Variants in LRP1B observed in about 807,000 individuals in gnomAD.
LRP1B encodes LDL receptor related protein 1B.
In LRP1B, 217 loss-of-function variants were observed where a neutral mutation model predicts 556.6. That is an observed-to-expected ratio of 0.39 (90% CI 0.35 to 0.44). The LOEUF (loss-of-function observed/expected upper bound fraction) is 0.44, where lower values mean the gene tolerates loss of function less well. LRP1B is among the 20% of genes least tolerant of loss of function. LRP1B has a pLI of 1.00. For synonymous variants in LRP1B, 2,047 were observed against 1,865.8 expected, an observed-to-expected ratio of 1.10 and a Z score of -2.50; for missense variants, 5,053 against 5,620.8, an observed-to-expected ratio of 0.90 and a Z score of 3.23.
At chr2:140,641,766 A>C (rs1275229613) in intron 41 of LRP1B, among the ~76,000 whole-genome samples, 2 of 152,236 alleles carry the variant, frequency 1.3e-5, no homozygotes, top group East Asian at 3.8e-4. Context: ...GCATATGACC[A>C]TATAGAGAAT....
chr2:141,978,724 T>C (rs1701958329), intron 1 of LRP1B, among the ~76,000 whole-genome samples: 1 of 152,012 alleles, frequency 6.6e-6, no homozygotes, highest in African/African-American at 2.4e-5. Context: ...AACTCTCCTG[T>C]CACCGATTAA....
At chr2:141,876,235 T>C (rs1354272685) in intron 1 of LRP1B, among the ~76,000 whole-genome samples, 7 of 152,022 alleles carry the variant, frequency 4.6e-5, no homozygotes, top group Non-Finnish European at 1.5e-5. Context: ...GAAATGTTTG[T>C]CTTTATTATA....
intron 1 of LRP1B, among the ~76,000 whole-genome samples, chr2:141,955,216 C>A (rs908408632): frequency 2.0e-5 from 3 of 152,082 alleles, no homozygotes; most frequent in Non-Finnish European, 2.9e-5. Context: ...ACATTCCTCA[C>A]CCTTCTCAAA....
chr2:141,018,535 A>C (rs1422214736), intron 12 of LRP1B, among the ~76,000 whole-genome samples: 1 of 152,096 alleles, frequency 6.6e-6, no homozygotes, highest in Non-Finnish European at 1.5e-5. Context: ...GATGAGAGAG[A>C]TGGAACTAGT....
At chr2:141,514,122 A>G (rs1040112044) in intron 2 of LRP1B, among the ~76,000 whole-genome samples, 1 of 152,066 alleles carries the variant, frequency 6.6e-6, no homozygotes, top group Non-Finnish European at 1.5e-5. Flanking sequence ...ACAGCTATAT[A>G]TAACCTACTT....
At chr2:141,932,575 A>G (rs1292873181) in intron 1 of LRP1B, among the ~76,000 whole-genome samples, 1 of 152,086 alleles carries the variant, frequency 6.6e-6, no homozygotes, top group African/African-American at 2.4e-5. Flanking sequence ...AGTGCATTTC[A>G]TAAGAAGAAA....
chr2:141,820,184 A>T (rs1415491024), intron 1 of LRP1B, among the ~76,000 whole-genome samples: 1 of 152,234 alleles, frequency 6.6e-6, no homozygotes, highest in Non-Finnish European at 1.5e-5. Flanking sequence ...GCTGAAAATC[A>T]GACTTTTACA....
At chr2:141,314,015 T>C (rs943576994) in intron 3 of LRP1B, among the ~76,000 whole-genome samples, 2 of 152,218 alleles carry the variant, frequency 1.3e-5, no homozygotes, top group Admixed American at 1.3e-4. Context: ...AAATTTTTAC[T>C]TCTTTTTTGG....
At chr2:141,443,467 G>T (rs1439767972) in intron 3 of LRP1B, among the ~76,000 whole-genome samples, 3 of 152,046 alleles carry the variant, frequency 2.0e-5, no homozygotes, top group Non-Finnish European at 4.4e-5. Context: ...GGCTTTTGTT[G>T]CCATTGCTTT....
At chr2:140,958,736 A>G (rs1240650358) in intron 18 of LRP1B, among the ~76,000 whole-genome samples, 4 of 151,704 alleles carry the variant, frequency 2.6e-5, no homozygotes, top group Admixed American at 2.6e-4. Flanking sequence ...GTGAAACATC[A>G]GGATCTCAAG....
intron 68 of LRP1B, among the ~76,000 whole-genome samples, chr2:140,373,970 C>T (rs1258615458): frequency 6.6e-6 from 1 of 152,136 alleles, no homozygotes; most frequent in East Asian, 1.9e-4. Context: ...TTGCACCAAT[C>T]CTTTTACAGT....
At chr2:140,640,688 G>C (rs1225841136) in intron 41 of LRP1B, among the ~76,000 whole-genome samples, 2 of 151,824 alleles carry the variant, frequency 1.3e-5, no homozygotes, top group Non-Finnish European at 2.9e-5. Flanking sequence ...TGGCTCCCTT[G>C]TCCTATTTTC....
intron 7 of LRP1B, among the ~76,000 whole-genome samples, chr2:141,096,835 G>A (rs1456345834): frequency 6.6e-6 from 1 of 152,126 alleles, no homozygotes; most frequent in East Asian, 1.9e-4. Flanking sequence ...AATAAGACCT[G>A]TAAAAAGAAA....
chr2:141,314,027 C>T (rs976501618), intron 3 of LRP1B, among the ~76,000 whole-genome samples: 4 of 151,832 alleles, frequency 2.6e-5, no homozygotes, highest in African/African-American at 4.8e-5. Context: ...CTTTTTTGGG[C>T]GGGCATTAGA....
chr2:140,887,778 A>C (rs1476177879), intron 23 of LRP1B, among the ~76,000 whole-genome samples: 1 of 152,196 alleles, frequency 6.6e-6, no homozygotes, highest in Non-Finnish European at 1.5e-5. Flanking sequence ...CATTACACCA[A>C]GTGAAAGAAG....
chr2:141,683,720 C>T (rs1046022856), intron 2 of LRP1B, among the ~76,000 whole-genome samples: 1 of 152,104 alleles, frequency 6.6e-6, no homozygotes, highest in Non-Finnish European at 1.5e-5. Flanking sequence ...AAATTATCAG[C>T]TTGTCTTGAT....
chr2:140,858,828 T>C (rs1392641008), intron 27 of LRP1B, among the ~76,000 whole-genome samples: 1 of 152,078 alleles, frequency 6.6e-6, no homozygotes, highest in Admixed American at 6.6e-5. Flanking sequence ...AGTGCGAATA[T>C]GTGGTGTTTA....
chr2:140,805,448 T>A (rs1690678570), intron 32 of LRP1B, among the ~76,000 whole-genome samples: 1 of 152,188 alleles, frequency 6.6e-6, no homozygotes, highest in Non-Finnish European at 1.5e-5. Context: ...GCTACTCAGA[T>A]ATTTATAGGA....
intron 41 of LRP1B, among the ~76,000 whole-genome samples, chr2:140,693,476 CTG>C (rs1430887279): frequency 1.3e-5 from 2 of 152,056 alleles, no homozygotes; most frequent in African/African-American, 4.8e-5. Flanking sequence ...TGCCACCACA[CTG>C]AGACATTTTG....
Sources: gnomAD v4.1 joint callset for allele counts (sites outside exome capture counted in the v4.1 genomes callset) on GRCh38, gnomAD v4.1.1 for gene constraint, MANE v1.5 for transcripts, NCBI Gene and HGNC (gene_info 2026-07-23, HGNC 2026-07-21) for gene names.